DPPA3: variants seen among roughly 807,000 people sequenced by gnomAD.
DPPA3 encodes developmental pluripotency associated 3.
DPPA3 carries 9 observed loss-of-function variants against 15.6 expected under a neutral mutation model. That is an observed-to-expected ratio of 0.58 (90% confidence interval 0.35 to 1.01). The LOEUF is 1.01. DPPA3 is among the 50% of genes least tolerant of loss of function. The pLI, the probability that DPPA3 is intolerant of heterozygous loss-of-function variation, is 0.02. For missense variants in DPPA3, 148 were observed against 194.6 expected (o/e 0.76, Z 1.42); for synonymous variants, 61 against 70.9 (o/e 0.86, Z 0.70).
intron 3 of DPPA3, 78 bp from the exon 4 acceptor site, chr12:7,716,886 AAAC>A (rs1430891037): frequency 7.6e-6 from 10 of 1,315,928 alleles, no homozygotes; most frequent in African/African-American, 2.9e-5. Flanking sequence ...TTACCAAAAT[AAAC>A]AACATTATAG....
intron 2 of DPPA3, 50 bp from the exon 3 acceptor site, chr12:7,716,148 G>C: frequency 6.9e-7 from 1 of 1,445,860 alleles, no homozygotes; most frequent in Non-Finnish European, 9.5e-7. Flanking sequence ...TGTAATATTA[G>C]TAATCTTTTT....
rs1215934615 is a variant in DPPA3 at position 7,717,020 on chromosome 12, G to A, written c.423G>A (p.Trp141Ter). Reference protein sequence around the residue: ...CPCSFCVSNGWDPSENARIGN... With the variant: ...CPCSFCVSNG ...GCAGTTTCTGCGTGTCTAATGGATGGGATCCTTCTGAGAATGCTAGAATAG... is the reference window on the plus strand; with the variant it reads ...GCAGTTTCTGCGTGTCTAATGGATGAGATCCTTCTGAGAATGCTAGAATAG... The change falls in exon 4 of 4, where the codon TGG becomes TGA. Residue 141 changes from tryptophan to a stop codon, truncating the protein, a stop_gained. Coordinates refer to ENST00000345088, the MANE Select transcript of DPPA3 (RefSeq NM_199286.4). LOFTEE classifies it low-confidence loss of function (END_TRUNC). 6.2e-7 allele frequency: 1 copy of A among 1,613,610 alleles called. No individual in the cohort carries two copies. Among genetic ancestry groups the A allele is most frequent in the Non-Finnish European group, 8.5e-7 (1 of 1,179,942 alleles).
chr12:7,715,266 C>A lies in DPPA3; in HGVS notation c.166C>A (p.Leu56Ile). The A allele has an allele frequency of 6.2e-7, 1 of 1,613,884 alleles. No individual in the cohort carries two copies. The highest frequency in any genetic ancestry group is 1.7e-4 in the Middle Eastern group (1 of 6,058). ...INASSESVSP[L>I]SEALLRRESV... ...CGCTAGTAGCGAATCTGTTTCCCCT[C>A]TATCGGAAGCTTTACTCCGTCGAGA... The change falls in exon 2 of 4, where the codon CTA becomes ATA. Residue 56 changes from leucine to isoleucine, a missense_variant. Transcript: ENST00000345088.
intron 1 of DPPA3, 27 bp from the exon 2 acceptor site, chr12:7,715,156 G>A: frequency 6.2e-7 from 1 of 1,612,612 alleles, no homozygotes; most frequent in Non-Finnish European, 8.5e-7. Flanking sequence ...TCCCCTTAAT[G>A]TAATGGCTTT....
intron 1 of DPPA3, among the ~76,000 whole-genome samples, chr12:7,712,567 C>T (rs1028178504): frequency 2.6e-5 from 4 of 152,116 alleles, no homozygotes; most frequent in Admixed American, 2.6e-4. Flanking sequence ...CCTGTCTCAG[C>T]CTCCAAAGTA....
chr12:7,712,229 C>G (rs902376497), intron 1 of DPPA3, among the ~76,000 whole-genome samples: 7 of 150,660 alleles, frequency 4.6e-5, no homozygotes, highest in African/African-American at 1.5e-4. Context: ...CTTCAGATTT[C>G]TAAGACCAGT....
intron 1 of DPPA3, among the ~76,000 whole-genome samples, chr12:7,712,461 TA>T (rs1864355660): frequency 6.6e-6 from 1 of 152,220 alleles, no homozygotes; most frequent in South Asian, 2.1e-4. Context: ...TTTATTTATA[TA>T]TTTTTTTGAG....
In DPPA3 at chr12:7,711,801, C is replaced by T. The variant is rs991911154; in HGVS notation, c.82+149C>T. ...GAATGTATTTAGGTAAACCTCAAAC[C>T]AGAGGGAGTCAACACAGAGAGGTCA... On this transcript the variant is annotated intron_variant, in intron 1 of 3. Transcript: ENST00000345088. The T allele has an allele frequency of 1.7e-5, 11 of 648,148 alleles. No individual in the cohort carries two copies. The Admixed American group carries it at 2.9e-4, about 17-fold the overall frequency. 40.1% of individuals were successfully genotyped at this position (648,148 alleles called of 1,614,324 possible).
At chr12:7,716,084 CAG>C in intron 2 of DPPA3, 112 bp from the exon 3 acceptor site, 3 of 925,526 alleles carry the variant, frequency 3.2e-6, no homozygotes, top group Non-Finnish European at 4.9e-6. Context: ...GCCTGGGCAA[CAG>C]AGAAAGACCC....
chr12:7,711,668 C>A lies in DPPA3; in HGVS notation c.82+16C>A, dbSNP rs1180050044. 1.9e-6 allele frequency: 3 copies of A among 1,582,468 alleles called. No individual in the cohort carries two copies. The highest frequency in any genetic ancestry group is 2.6e-6 in the Non-Finnish European group (3 of 1,161,614). ...GACGATTCAGGTAAGCCAGATAATG[C>A]CCTTCTTGACTATCTGACTATAGGG... On this transcript the variant is annotated intron_variant, in intron 1 of 3. Coordinates refer to ENST00000345088, the MANE Select transcript of DPPA3 (RefSeq NM_199286.4).
chr12:7,714,813 C>T (rs922238845), intron 1 of DPPA3, among the ~76,000 whole-genome samples: 1 of 151,832 alleles, frequency 6.6e-6, no homozygotes, highest in Non-Finnish European at 1.5e-5. Context: ...CCTGGGTTCA[C>T]ACCATTCTCC....
At chr12:7,712,544 T>G (rs1592080583) in intron 1 of DPPA3, among the ~76,000 whole-genome samples, 1 of 151,344 alleles carries the variant, frequency 6.6e-6, no homozygotes, top group South Asian at 2.1e-4. Context: ...GCCTCTCGGG[T>G]TCAAGCAATT....
At chr12:7,712,718 T>A (rs922183412) in intron 1 of DPPA3, among the ~76,000 whole-genome samples, 1 of 152,154 alleles carries the variant, frequency 6.6e-6, no homozygotes, top group African/African-American at 2.4e-5. Context: ...AGTGCTGGGA[T>A]TACAGGCGTA....
In DPPA3 at chr12:7,715,349, A is replaced by T. The variant is rs776567517; in HGVS notation, c.249A>T (p.Arg83Ser). The T allele has an allele frequency of 1.2e-6, 2 of 1,614,012 alleles. No individual in the cohort carries two copies. The highest frequency in any genetic ancestry group is 1.7e-6 in the Non-Finnish European group (2 of 1,180,020). The change falls in exon 2 of 4, where the codon AGA becomes AGT. Residue 83 changes from arginine to serine, a missense_variant. Arg to Ser is a moderately radical substitution (Grantham distance 110). Coordinates refer to ENST00000345088, the MANE Select transcript of DPPA3 (RefSeq NM_199286.4). ...AAGATGAGTGGCTTTACAGCAGGAG[A>T]GGAGTAAGAACATTGCTGTCTGTGC... ...EIEDEWLYSR[R>S]GVRTLLSVQR...
At position 7,717,118 on chromosome 12, in the gene DPPA3, A is replaced by G. The variant is rs1479956616; in HGVS notation, c.*41A>G. On this transcript the variant is annotated 3_prime_UTR_variant, in exon 4 of 4. Transcript: ENST00000345088. ...CTTTTTTTCTTGGTAGTAATTTTAT[A>G]TAGCAGGTTGAGAAAGCTACTCTAT... 1 of 1,150,070 alleles carries G rather than the reference A, an allele frequency of 8.7e-7. No homozygotes were observed. Among genetic ancestry groups the G allele is most frequent in the African/African-American group, 1.5e-5 (1 of 67,422 alleles). The allele number at this position is 1,150,070 out of a possible 1,614,324, so 71.2% of individuals were successfully genotyped here.
chr12:7,716,094 C>T, intron 2 of DPPA3, 104 bp from the exon 3 acceptor site: 1 of 1,013,192 alleles, frequency 9.9e-7, no homozygotes, highest in Non-Finnish European at 1.5e-6. Flanking sequence ...CAGAGAAAGA[C>T]CCTGTCTCAA....
intron 1 of DPPA3, among the ~76,000 whole-genome samples, chr12:7,712,695 C>T (rs1447508998): frequency 1.3e-5 from 2 of 152,180 alleles, no homozygotes; most frequent in Non-Finnish European, 2.9e-5. Context: ...ATCCGCCCAC[C>T]TCTGCCTCCC....
rs2136894941 is a variant in DPPA3, at chr12:7,717,178, TG to T, written c.*102del. ...GACTATACACCAATAATTTTGATAA[TG>T]AGTTCTAGGATGTATTTTTCTTGTA... On this transcript the variant is annotated 3_prime_UTR_variant, in exon 4 of 4. Transcript: ENST00000345088. 1.2e-6 allele frequency: 1 copy of T among 804,948 alleles called. No individual in the cohort carries two copies. The highest frequency in any genetic ancestry group is 1.7e-5 in the South Asian group (1 of 59,598). 49.9% of individuals were successfully genotyped at this position (804,948 alleles called of 1,614,324 possible).
chr12:7,714,258 A>C (rs1489070826), intron 1 of DPPA3, among the ~76,000 whole-genome samples: 1 of 138,202 alleles, frequency 7.2e-6, no homozygotes, highest in Non-Finnish European at 1.5e-5. Context: ...AGTCTAGAAA[A>C]CAAGGGATTA....
Sources: allele counts gnomAD v4.1 joint callset (sites outside exome capture counted in the v4.1 genomes callset), GRCh38; gene constraint gnomAD v4.1.1; transcripts MANE v1.5; gene names NCBI Gene and HGNC (gene_info 2026-07-23, HGNC 2026-07-21).